The following ATG5 variants were observed in gnomAD, a reference collection of about 807,000 sequenced individuals.
ATG5 encodes the protein autophagy related 5.
In ATG5, 14 loss-of-function variants were observed where a neutral mutation model predicts 36.5. The ratio of observed to expected loss-of-function variants is 0.38; its 90% CI spans 0.25 to 0.60. The LOEUF (loss-of-function observed/expected upper bound fraction) is 0.60. Among genes scored for constraint, ATG5 ranks in the 20% least tolerant of loss-of-function variants. ATG5 has a pLI of 0.60. For missense variants in ATG5, 195 were observed against 326.7 expected (o/e 0.60, Z 3.11); for synonymous variants, 95 against 101.5 (o/e 0.94, Z 0.38).
At position 106,184,539 on chromosome 6, in the gene ATG5, T is replaced by C. The variant is rs1775695746; in HGVS notation, c.*2001A>G. 6.6e-6 allele frequency: 1 copy of C among 152,254 alleles called. No homozygotes were observed. Among genetic ancestry groups the C allele is most frequent in the South Asian group, 2.1e-4 (1 of 4,832 alleles). 9.4% of individuals were successfully genotyped at this position (152,254 alleles called of 1,614,324 possible). On this transcript the variant is annotated 3_prime_UTR_variant, in exon 8 of 8. Coordinates refer to ENST00000369076, the MANE Select transcript of ATG5 (RefSeq NM_004849.4). ...TCAAATGAAAAGAAACAAAAATAGA[T>C]TATTTAAGCCAGCATGAATTTCTGG... is the stretch of plus-strand genomic sequence containing the variant.
At chr6:106,299,611 G>C (rs1010619671) in intron 3 of ATG5, among the ~76,000 whole-genome samples, 3 of 151,924 alleles carry the variant, frequency 2.0e-5, no homozygotes, top group Admixed American at 2.0e-4. Flanking sequence ...TTCAATTCTC[G>C]AAATGAATAT....
At position 106,185,005 on chromosome 6, in the gene ATG5, A is replaced by C. The variant is rs1034550586; in HGVS notation, c.*1535T>G. On this transcript the variant is annotated 3_prime_UTR_variant, in exon 8 of 8. Transcript: ENST00000369076. ...TTGCTATTTTTTTCCTGCCTTTACT[A>C]AAATGGCACTTTCGTTTACATCAAC... The C allele has an allele frequency of 2.6e-5, 4 of 152,324 alleles. No individual in the cohort carries two copies. Among genetic ancestry groups the C allele is most frequent in the African/African-American group, 9.6e-5 (4 of 41,462 alleles). The allele number at this position is 152,324 out of a possible 1,614,324, so 9.4% of individuals were successfully genotyped here.
chr6:106,280,517 C>A (rs1582647511), intron 4 of ATG5, among the ~76,000 whole-genome samples: 1 of 152,044 alleles, frequency 6.6e-6, no homozygotes, highest in East Asian at 1.9e-4. Flanking sequence ...ATTTTAAAGT[C>A]AAATAGCTAA....
chr6:106,258,397 G>A (rs1016346906), intron 5 of ATG5, among the ~76,000 whole-genome samples: 1 of 151,912 alleles, frequency 6.6e-6, no homozygotes, highest in African/African-American at 2.4e-5. Context: ...CTAGTCAAAA[G>A]TGCTATTAAA....
At chr6:106,291,860 A>T (rs1780320758) in intron 4 of ATG5, among the ~76,000 whole-genome samples, 1 of 152,224 alleles carries the variant, frequency 6.6e-6, no homozygotes, top group South Asian at 2.1e-4. Context: ...GTTCTTTGGT[A>T]ACTAACGTGT....
intron 4 of ATG5, among the ~76,000 whole-genome samples, chr6:106,290,915 T>G (rs1013080702): frequency 6.6e-6 from 1 of 152,238 alleles, no homozygotes; most frequent in Non-Finnish European, 1.5e-5. Flanking sequence ...TTTCCAAAAT[T>G]CAAATTTTCA....
chr6:106,311,618 T>G (rs990184884), intron 2 of ATG5, among the ~76,000 whole-genome samples: 1 of 152,114 alleles, frequency 6.6e-6, no homozygotes, highest in Non-Finnish European at 1.5e-5. Flanking sequence ...TAAGACAGAA[T>G]AGTGCTGAGG....
intron 3 of ATG5, among the ~76,000 whole-genome samples, chr6:106,293,913 T>C (rs547339356): frequency 3.9e-5 from 6 of 152,170 alleles, no homozygotes; most frequent in East Asian, 3.9e-4. Flanking sequence ...ATAATACAGG[T>C]TGAGTATCCC....
intron 1 of ATG5, among the ~76,000 whole-genome samples, chr6:106,322,960 C>A (rs911202513): frequency 1.3e-5 from 2 of 152,168 alleles, no homozygotes; most frequent in African/African-American, 4.8e-5. Context: ...CGCTCTGTCG[C>A]CCAGGCTGGA....
chr6:106,186,593 T>C lies in ATG5; in HGVS notation c.775A>G (p.Ser259Gly). The C allele has an allele frequency of 6.2e-7, 1 of 1,613,724 alleles. No individual in the cohort carries two copies. The highest frequency in any genetic ancestry group is 8.5e-7 in the Non-Finnish European group (1 of 1,179,708). ...TPLQWLSEHL[S>G]YPDNFLHISI... ...ATATGAAGAAAATTATCCGGGTAGC[T>C]CAGATGTTCACTCAGCCACTGCAGA... Residue 259 changes from serine to glycine, a missense_variant, in exon 8 of 8, where the codon AGC becomes GGC. Ser to Gly is a moderately conservative substitution (Grantham distance 56, BLOSUM62 0). Coordinates refer to ENST00000369076, the MANE Select transcript of ATG5 (RefSeq NM_004849.4).
chr6:106,267,918 A>G (rs905560187), intron 5 of ATG5, among the ~76,000 whole-genome samples: 2 of 152,252 alleles, frequency 1.3e-5, no homozygotes, highest in Non-Finnish European at 2.9e-5. Context: ...ACCATTCAGG[A>G]CATAGGCATG....
chr6:106,274,913 G>GA (rs750460736), intron 5 of ATG5, among the ~76,000 whole-genome samples: 211 of 152,138 alleles, frequency 1.4e-3, no homozygotes, highest in Middle Eastern at 3.4e-3. Context: ...AAATACAAGA[G>GA]AAAAAAATGC....
chr6:106,278,820 T>G (rs914165315), intron 5 of ATG5, among the ~76,000 whole-genome samples: 4 of 152,118 alleles, frequency 2.6e-5, no homozygotes, highest in African/African-American at 4.8e-5. Flanking sequence ...ATAACAGACA[T>G]AGAGAGGCCA....
chr6:106,277,454 T>C (rs969450055), intron 5 of ATG5, among the ~76,000 whole-genome samples: 1 of 152,230 alleles, frequency 6.6e-6, no homozygotes, highest in Non-Finnish European at 1.5e-5. Context: ...ATGGGGACAA[T>C]TACGATTGTT....
chr6:106,274,148 G>C (rs879281631), intron 5 of ATG5, among the ~76,000 whole-genome samples: 1 of 151,906 alleles, frequency 6.6e-6, no homozygotes, highest in East Asian at 1.9e-4. Context: ...ACTAAGTCAT[G>C]GTAAAAACAT....
chr6:106,324,190 G>A (rs1343008769), intron 1 of ATG5, among the ~76,000 whole-genome samples: 1 of 151,476 alleles, frequency 6.6e-6, no homozygotes, highest in Non-Finnish European at 1.5e-5. Flanking sequence ...AAATATTCGG[G>A]GAAGGAAAAA....
intron 3 of ATG5, among the ~76,000 whole-genome samples, chr6:106,297,317 A>C (rs567539439): frequency 4.6e-5 from 7 of 152,310 alleles, no homozygotes; most frequent in African/African-American, 1.4e-4. Flanking sequence ...TTATATAAAA[A>C]GAAGACTGAA....
chr6:106,251,781 G>A (rs768576999), intron 5 of ATG5, among the ~76,000 whole-genome samples: 4 of 151,184 alleles, frequency 2.6e-5, no homozygotes, highest in African/African-American at 4.9e-5. Context: ...AAAAGAAAAG[G>A]AGGAGAGAAA....
At chr6:106,199,779 T>C (rs368620644) in intron 7 of ATG5, among the ~76,000 whole-genome samples, 9 of 152,226 alleles carry the variant, frequency 5.9e-5, no homozygotes, top group African/African-American at 1.9e-4. Flanking sequence ...CTCCAAGATT[T>C]AATGATCGTA....
Sources: allele counts gnomAD v4.1 joint callset (sites outside exome capture counted in the v4.1 genomes callset), GRCh38; gene constraint gnomAD v4.1.1; transcripts MANE v1.5; gene names NCBI Gene and HGNC (gene_info 2026-07-23, HGNC 2026-07-21).